Variants in PLEKHA5 observed in about 807,000 individuals in gnomAD.
PLEKHA5 encodes pleckstrin homology domain containing A5, also known as pleckstrin homology domain-containing family A member 5.
In PLEKHA5, 55 loss-of-function variants were observed where a neutral mutation model predicts 181.9. The ratio of observed to expected loss-of-function variants is 0.30; its 90% confidence interval spans 0.24 to 0.38. The LOEUF (loss-of-function observed/expected upper bound fraction) is 0.38, where lower values mean the gene tolerates loss of function less well. PLEKHA5 is among the 10% of genes least tolerant of loss of function. The pLI, the probability that PLEKHA5 is intolerant of heterozygous loss-of-function variation, is 1.00. For missense variants in PLEKHA5, 1,432 were observed against 1,549.5 expected (o/e 0.92, Z 1.27); for synonymous variants, 535 against 529.4 (o/e 1.01, Z -0.15).
intron 3 of PLEKHA5, among the ~76,000 whole-genome samples, chr12:19,174,563 G>T (rs371057531): frequency 6.6e-6 from 1 of 152,102 alleles, no homozygotes; most frequent in Non-Finnish European, 1.5e-5. Context: ...TCTTAGAGGC[G>T]TGGGATTTAC....
intron 31 of PLEKHA5, chr12:19,373,722 A>G (rs1420730004): frequency 2.0e-5 from 3 of 152,196 alleles, no homozygotes; most frequent in South Asian, 2.1e-4. Flanking sequence ...AACACAAAAC[A>G]TAGGAAAAAT....
intron 3 of PLEKHA5, among the ~76,000 whole-genome samples, chr12:19,166,815 C>A (rs1368511056): frequency 6.6e-6 from 1 of 152,184 alleles, no homozygotes; most frequent in African/African-American, 2.4e-5. Flanking sequence ...CTACGTGAAT[C>A]ATCTGACCTT....
Position 19,189,481 on chromosome 12 carries a change from G to A in PLEKHA5, c.227+57031G>A, listed in dbSNP as rs35200179. Among the ~76,000 whole-genome samples, 103 of 152,196 alleles carry A rather than the reference G, an allele frequency of 6.8e-4. No homozygotes were observed. In the East Asian group the frequency reaches 0.018, roughly 26 times the overall value. On this transcript the variant is annotated intron_variant, in intron 3 of 31. Transcript: ENST00000429027. ...TGTGATTCATGCAGCTGAGTGGAGAGTTCATGCTTAGAAATGGGAAAAAAT... is the reference window on the plus strand; with the variant it reads ...TGTGATTCATGCAGCTGAGTGGAGAATTCATGCTTAGAAATGGGAAAAAAT...
At chr12:19,241,489 G>T (rs2062586225) in intron 3 of PLEKHA5, among the ~76,000 whole-genome samples, 3 of 152,180 alleles carry the variant, frequency 2.0e-5, no homozygotes, top group African/African-American at 7.2e-5. Flanking sequence ...GGTGTGATAG[G>T]CTCATGCCTG....
chr12:19,360,968 G>A (rs902624629), intron 28 of PLEKHA5, among the ~76,000 whole-genome samples: 1 of 152,084 alleles, frequency 6.6e-6, no homozygotes, highest in African/African-American at 2.4e-5. Flanking sequence ...TGTTGACCAG[G>A]CTGGTCTCGA....
chr12:19,148,794 G>T (rs751442089), intron 3 of PLEKHA5, among the ~76,000 whole-genome samples: 3 of 152,162 alleles, frequency 2.0e-5, no homozygotes, highest in Non-Finnish European at 4.4e-5. Flanking sequence ...AAAGAAGGAT[G>T]AAAATAAAAG....
At chr12:19,362,306 G>T (rs2095274928) in intron 29 of PLEKHA5, among the ~76,000 whole-genome samples, 1 of 152,036 alleles carries the variant, frequency 6.6e-6, no homozygotes, top group Non-Finnish European at 1.5e-5. Context: ...GGCCAACGGG[G>T]GCAGATCACT....
At chr12:19,196,514 A>G (rs764191982) in intron 3 of PLEKHA5, among the ~76,000 whole-genome samples, 1 of 152,158 alleles carries the variant, frequency 6.6e-6, no homozygotes, top group Non-Finnish European at 1.5e-5. Flanking sequence ...ACCTACCCCT[A>G]TGTGATCTCT....
intron 3 of PLEKHA5, among the ~76,000 whole-genome samples, chr12:19,196,290 A>T (rs146085268): frequency 5.3e-5 from 8 of 152,198 alleles, no homozygotes; most frequent in African/African-American, 1.4e-4. Context: ...CATAAAGACA[A>T]TTTAATAGTA....
At chr12:19,163,362 A>G (rs2043441507) in intron 3 of PLEKHA5, among the ~76,000 whole-genome samples, 1 of 152,040 alleles carries the variant, frequency 6.6e-6, no homozygotes, top group Non-Finnish European at 1.5e-5. Context: ...TATTTTTAGT[A>G]GAGACGGGAT....
At chr12:19,241,293 G>GT (rs1172679516) in intron 3 of PLEKHA5, among the ~76,000 whole-genome samples, 1 of 152,102 alleles carries the variant, frequency 6.6e-6, no homozygotes, top group African/African-American at 2.4e-5. Context: ...TGCTGGTTTG[G>GT]TTTTTTGGTT....
At chr12:19,141,531 G>A (rs1196777130) in intron 3 of PLEKHA5, among the ~76,000 whole-genome samples, 1 of 152,188 alleles carries the variant, frequency 6.6e-6, no homozygotes, top group East Asian at 1.9e-4. Flanking sequence ...AGGCCAGGGA[G>A]ACCTGAGCAT....
intron 11 of PLEKHA5, among the ~76,000 whole-genome samples, chr12:19,282,013 A>C (rs1439927203): frequency 6.6e-6 from 1 of 151,780 alleles, no homozygotes; most frequent in African/African-American, 2.4e-5. Context: ...CGATCTCCTG[A>C]CCTCTTGATC....
Position 19,173,005 on chromosome 12 carries a change from C to CTTTTTTTTTTTTTTTTTTT in PLEKHA5, c.227+40566_227+40584dup, listed in dbSNP as rs71064064. ...AGAAAATTGCTACTGATTTCCCTTT[C>CTTTTTTTTTTTTTTTTTTT]TTTTTTTTTTTTTTTTTTTTTTTTT... On this transcript the variant is annotated intron_variant, in intron 3 of 31. Transcript: ENST00000429027. Among the ~76,000 whole-genome samples the CTTTTTTTTTTTTTTTTTTT allele has an allele frequency of 2.4e-4, 8 of 33,550 alleles. 2 individuals are homozygous for CTTTTTTTTTTTTTTTTTTT. The highest frequency in any genetic ancestry group is 8.5e-4 in the African/African-American group (8 of 9,464). The allele number at this position is 33,550 out of a possible 152,430, so 22.0% of individuals were successfully genotyped here. A position where few individuals can be genotyped will look rare whatever the true frequency, so the allele number is the denominator to read the frequency against.
At chr12:19,176,275 A>AT (rs66525056) in intron 3 of PLEKHA5, 118,659 of 139,072 alleles carry the variant, frequency 0.85, 51,463 homozygotes, top group Non-Finnish European at 0.94. Flanking sequence ...TAGATAAGTA[A>AT]TTTTTTTTTT....
intron 15 of PLEKHA5, among the ~76,000 whole-genome samples, chr12:19,308,365 A>T (rs1472876470): frequency 6.6e-6 from 1 of 152,230 alleles, no homozygotes; most frequent in African/African-American, 2.4e-5. Flanking sequence ...ATTAATGGTT[A>T]TAAAGCTCTT....
In PLEKHA5 at chr12:19,312,402, G is replaced by A. The variant is rs541634205; in HGVS notation, c.2038-2412G>A. Among the ~76,000 whole-genome samples the A allele has an allele frequency of 1.5e-4, 23 of 152,286 alleles. No individual in the cohort carries two copies. In the South Asian group the frequency reaches 3.7e-3, roughly 25 times the overall value. On this transcript the variant is annotated intron_variant, in intron 15 of 31. Coordinates refer to ENST00000429027, the MANE Select transcript of PLEKHA5 (RefSeq NM_001256470.2). ...TCTGATTCCCATACAAGGCTATTTC[G>A]TCTACATTGAAAATCTATCATTGAA...
At chr12:19,357,444 C>T (rs778893633) in intron 26 of PLEKHA5, among the ~76,000 whole-genome samples, 23 of 151,952 alleles carry the variant, frequency 1.5e-4, no homozygotes, top group Non-Finnish European at 3.4e-4. Flanking sequence ...CAGGGTTTCG[C>T]CATGTTGGCC....
chr12:19,274,458 A>G lies in PLEKHA5; in HGVS notation c.846-58A>G, dbSNP rs779862024. The stretch of plus-strand genomic sequence containing the variant: ...TATAATTTTTCCTAGATTGAATCCC[A>G]GAAGTAATATGTACATTATTTCATC... On this transcript the variant is annotated intron_variant, in intron 10 of 31. Coordinates refer to ENST00000429027, the MANE Select transcript of PLEKHA5 (RefSeq NM_001256470.2). The G allele has an allele frequency of 2.5e-6, 3 of 1,212,700 alleles. No homozygotes were observed. In the South Asian group the frequency reaches 4.3e-5, roughly 17 times the overall value. 75.1% of individuals were successfully genotyped at this position (1,212,700 alleles called of 1,614,324 possible). A position where few individuals can be genotyped will look rare whatever the true frequency, so the allele number is the denominator to read the frequency against.
Sources: gnomAD v4.1 joint callset for allele counts (sites outside exome capture counted in the v4.1 genomes callset) on GRCh38, gnomAD v4.1.1 for gene constraint, MANE v1.5 for transcripts, NCBI Gene and HGNC (gene_info 2026-07-23, HGNC 2026-07-21) for gene names.